The following JMJD1C variants were observed in gnomAD, a reference collection of about 807,000 sequenced individuals.
The protein encoded by JMJD1C is jumonji domain containing 1C, also known as jumonji domain-containing protein 1C.
In JMJD1C, 31 loss-of-function variants were observed where a neutral mutation model predicts 245.3. That is an observed-to-expected ratio of 0.13 (90% confidence interval 0.09 to 0.17). The LOEUF (loss-of-function observed/expected upper bound fraction) is 0.17, where lower values mean the gene tolerates loss of function less well. Ranked by LOEUF, JMJD1C falls within the 10% of genes least tolerant of loss-of-function variation. JMJD1C has a pLI of 1.00. For missense variants in JMJD1C, 2,691 were observed against 3,000.2 expected, an observed-to-expected ratio of 0.90 and a Z score of 2.41; for synonymous variants, 1,057 against 1,017.4, an observed-to-expected ratio of 1.04 and a Z score of -0.74.
chr10:63,302,873 C>A (rs1860266559), intron 2 of JMJD1C, among the ~76,000 whole-genome samples: 1 of 152,162 alleles, frequency 6.6e-6, no homozygotes, highest in Admixed American at 6.5e-5. Context: ...CAGTGATAAA[C>A]ATCCACTTCT....
At chr10:63,312,404 G>A (rs753394942) in intron 2 of JMJD1C, among the ~76,000 whole-genome samples, 9 of 152,050 alleles carry the variant, frequency 5.9e-5, no homozygotes, top group African/African-American at 1.2e-4. Flanking sequence ...CACCATGCCC[G>A]GTTGACTAGC....
chr10:63,415,811 TAC>T (rs1484794761), intron 1 of JMJD1C, among the ~76,000 whole-genome samples: 1 of 152,208 alleles, frequency 6.6e-6, no homozygotes, highest in Admixed American at 6.5e-5. Context: ...CAGAAAAAGA[TAC>T]AGTCTGGCAA....
intron 2 of JMJD1C, among the ~76,000 whole-genome samples, chr10:63,287,181 C>T (rs543250094): frequency 6.6e-6 from 1 of 152,280 alleles, no homozygotes. Context: ...GTAAAACCAG[C>T]TTGGCAGCTT....
upstream of JMJD1C, among the ~76,000 whole-genome samples, chr10:63,468,383 G>A (rs1349306408): frequency 6.6e-6 from 1 of 151,974 alleles, no homozygotes; most frequent in Non-Finnish European, 1.5e-5. Flanking sequence ...TTTTTGCTTC[G>A]TTTTGTATTA....
chr10:63,207,702 A>T lies in JMJD1C; in HGVS notation c.3967T>A (p.Leu1323Ile). ...TCACTAACACGATCTTTAGAAGCTA[A>T]CTGCATTGCTGGCATACTATCAGTT... ...TKTDSMPAMQLASKDRVSERS... is the reference protein window; with the variant it reads ...TKTDSMPAMQIASKDRVSERS... The change falls in exon 10 of 26, where the codon TTA (leucine) becomes ATA (isoleucine). Residue 1323 changes from leucine (L) to isoleucine (I), a missense_variant. Around this residue, in one of 9 missense-constraint regions of JMJD1C, gnomAD observed 1,562 missense variants for 1,490.7 expected, o/e 1.05. Coordinates refer to ENST00000399262, the MANE Select transcript of JMJD1C (RefSeq NM_032776.3). 3 of 1,614,190 alleles carry T rather than the reference A, an allele frequency of 1.9e-6. No homozygotes were observed. The highest frequency in any genetic ancestry group is 2.5e-6 in the Non-Finnish European group (3 of 1,180,006).
At chr10:63,186,628 A>T (rs2132927634) in intron 18 of JMJD1C, among the ~76,000 whole-genome samples, 1 of 152,316 alleles carries the variant, frequency 6.6e-6, no homozygotes, top group South Asian at 2.1e-4. Flanking sequence ...CTTTGAAATT[A>T]CATAAATTCA....
chr10:63,504,661 A>C (rs1954662383), intron 1 of JMJD1C, among the ~76,000 whole-genome samples: 1 of 152,132 alleles, frequency 6.6e-6, no homozygotes, highest in Non-Finnish European at 1.5e-5. Flanking sequence ...AAGGAAAGCC[A>C]CTGGAGGGAG....
chr10:63,222,467 G>A (rs918755393), intron 3 of JMJD1C: 2 of 976,978 alleles, frequency 2.0e-6, no homozygotes, highest in Non-Finnish European at 3.3e-6. Flanking sequence ...AAACAATAAA[G>A]GGAAAGTTGT....
intron 2 of JMJD1C, among the ~76,000 whole-genome samples, chr10:63,364,266 C>T (rs575061133): frequency 6.6e-5 from 10 of 152,278 alleles, no homozygotes; most frequent in African/African-American, 2.4e-4. Context: ...ACCTTGGCCT[C>T]CCAAAGTGCT....
rs2134155946 is a variant in JMJD1C at position 63,329,245 on chromosome 10, G to A, written c.333+51073C>T. ...TGTAGTAAGCCATGATCGAGCCACT[G>A]AACTCCAGCCTAGGCAACAGGGAGA... On this transcript the variant is annotated intron_variant, in intron 2 of 25. Transcript: ENST00000399262. Among the ~76,000 whole-genome samples, 2 of 150,612 alleles carry A rather than the reference G, an allele frequency of 1.3e-5. 1 individual carries two copies. Among genetic ancestry groups the A allele is most frequent in the South Asian group, 4.2e-4 (2 of 4,774 alleles).
At chr10:63,414,009 C>T (rs895943688) in intron 1 of JMJD1C, among the ~76,000 whole-genome samples, 15 of 135,640 alleles carry the variant, frequency 1.1e-4, no homozygotes, top group African/African-American at 3.0e-4. Flanking sequence ...TTTTTTGACA[C>T]GGAGTCTTGC....
chr10:63,233,395 T>A (rs1330194651), intron 3 of JMJD1C, among the ~76,000 whole-genome samples: 2 of 152,082 alleles, frequency 1.3e-5, no homozygotes, highest in Non-Finnish European at 2.9e-5. Flanking sequence ...CTGATAAAAT[T>A]AGACTTAAAA....
chr10:63,411,579 G>A (rs550367570), intron 1 of JMJD1C, among the ~76,000 whole-genome samples: 6 of 150,474 alleles, frequency 4.0e-5, no homozygotes, highest in African/African-American at 7.3e-5. Flanking sequence ...GATTACAGGC[G>A]TGAGCCACCA....
chr10:63,291,839 T>C (rs996121842), intron 2 of JMJD1C, among the ~76,000 whole-genome samples: 4 of 152,144 alleles, frequency 2.6e-5, no homozygotes, highest in East Asian at 1.9e-4. Flanking sequence ...TTACAACTAA[T>C]CTTTTATTTT....
chr10:63,360,652 T>TAGGC (rs1427118396), intron 2 of JMJD1C, among the ~76,000 whole-genome samples: 31 of 152,222 alleles, frequency 2.0e-4, no homozygotes, highest in Non-Finnish European at 4.1e-4. Flanking sequence ...TCTTACCAGA[T>TAGGC]AGGCAGGTAG....
At position 63,193,063 on chromosome 10, in the gene JMJD1C, T is replaced by C; in HGVS notation, c.5951A>G (p.Lys1984Arg). The C allele has an allele frequency of 6.2e-7, 1 of 1,614,172 alleles. No individual in the cohort carries two copies. Among genetic ancestry groups the C allele is most frequent in the East Asian group, 2.2e-5 (1 of 44,880 alleles). ...QQQNTPPKSE[K>R]NGGSSPESDV... ...ACTCTCTGGGCTGCTGCCACCATTT[T>C]TCTCAGACTTCGGAGGAGTATTTTG... is the stretch of plus-strand genomic sequence containing the variant. The change falls in exon 16 of 26, where the codon AAA (lysine) becomes AGA (arginine). Residue 1984 changes from lysine (K) to arginine (R), a missense_variant. Physicochemically the swap from Lys to Arg is conservative, Grantham distance 26. Transcript: ENST00000399262.
chr10:63,313,923 T>C (rs1049474001), intron 2 of JMJD1C, among the ~76,000 whole-genome samples: 1 of 152,220 alleles, frequency 6.6e-6, no homozygotes, highest in Non-Finnish European at 1.5e-5. Context: ...ATGCAGAAGC[T>C]CTTTAAGTCC....
intron 1 of JMJD1C, among the ~76,000 whole-genome samples, chr10:63,420,493 T>G (rs1950057877): frequency 1.3e-5 from 2 of 151,778 alleles, no homozygotes; most frequent in Non-Finnish European, 2.9e-5. Flanking sequence ...TCGCTTGAAC[T>G]TTGTAGTTCA....
At chr10:63,498,702 TA>T (rs779407414) in intron 1 of JMJD1C, among the ~76,000 whole-genome samples, 47 of 152,112 alleles carry the variant, frequency 3.1e-4, no homozygotes, top group Non-Finnish European at 5.3e-4. Flanking sequence ...CTAGGACTCC[TA>T]TTTTTTTTTT....
Sources: allele counts gnomAD v4.1 joint callset (sites outside exome capture counted in the v4.1 genomes callset), GRCh38; gene constraint gnomAD v4.1.1; regional missense constraint gnomAD v4.1.1; transcripts MANE v1.5; gene names NCBI Gene and HGNC (gene_info 2026-07-23, HGNC 2026-07-21).